Variants in GFRA1 observed in about 807,000 individuals in gnomAD.
GFRA1 encodes GDNF family receptor alpha 1.
In GFRA1, 16 loss-of-function variants were observed where a neutral mutation model predicts 51.6. That is an observed-to-expected ratio of 0.31 (90% CI 0.21 to 0.47). The LOEUF is 0.47. GFRA1 is among the 20% of genes least tolerant of loss of function. The pLI is 1.00. For missense variants in GFRA1, 530 were observed against 594.3 expected (o/e 0.89, Z 1.13); for synonymous variants, 270 against 241.3 (o/e 1.12, Z -1.10).
rs112154517 is a variant in GFRA1 at position 116,125,206 on chromosome 10, C to T, written c.770+15G>A. On this transcript the variant is annotated intron_variant, in intron 6 of 10. Transcript: ENST00000355422. The stretch of plus-strand genomic sequence containing the variant: ...CTGTCACCTCATTAATCACCAGCTG[C>T]CAGTGCCCACTTACCTGCAGATGTA... 1,657 of 1,603,544 alleles carry T rather than the reference C, an allele frequency of 1.0e-3. 17 individuals carry two copies. The African/African-American group carries it at 0.019, about 19-fold the overall frequency.
chr10:116,170,582 T>C (rs1269186335), intron 5 of GFRA1, among the ~76,000 whole-genome samples: 1 of 152,156 alleles, frequency 6.6e-6, no homozygotes, highest in Non-Finnish European at 1.5e-5. Context: ...AAATACAGGC[T>C]CCCTACCCCA....
chr10:116,212,758 G>C (rs917770992), intron 4 of GFRA1, among the ~76,000 whole-genome samples: 1 of 152,082 alleles, frequency 6.6e-6, no homozygotes, highest in Non-Finnish European at 1.5e-5. Flanking sequence ...TTTCACTGTG[G>C]GGTTATACTA....
At chr10:116,140,444 G>C (rs978851135) in intron 5 of GFRA1, among the ~76,000 whole-genome samples, 1 of 152,142 alleles carries the variant, frequency 6.6e-6, no homozygotes, top group Non-Finnish European at 1.5e-5. Context: ...TAGTATAAGT[G>C]GGACCATATT....
chr10:116,107,567 T>TG, intron 6 of GFRA1, among the ~76,000 whole-genome samples: 1 of 103,966 alleles, frequency 9.6e-6, no homozygotes, highest in South Asian at 3.0e-4. Flanking sequence ...TCATACTCCC[T>TG]TTTTTTTATA....
chr10:116,189,660 T>G (rs1401356990), intron 5 of GFRA1, among the ~76,000 whole-genome samples: 2 of 152,224 alleles, frequency 1.3e-5, no homozygotes, highest in Non-Finnish European at 2.9e-5. Flanking sequence ...AAATCTCTTT[T>G]AAGCAATGGA....
chr10:116,057,656 C>G lies in GFRA1; in HGVS notation c.*6742G>C, dbSNP rs1162264886. Reference sequence around the variant, plus strand: ...TCTGCAGTGAAAAGTGTTTCCCCCACTCCCTTGGGCGAGGGAAGGGAGAAG... The same window carrying G: ...TCTGCAGTGAAAAGTGTTTCCCCCAGTCCCTTGGGCGAGGGAAGGGAGAAG... On this transcript the variant is annotated 3_prime_UTR_variant, in exon 11 of 11. Coordinates refer to ENST00000355422, the MANE Select transcript of GFRA1 (RefSeq NM_005264.8). The G allele has an allele frequency of 1.3e-5, 2 of 151,988 alleles. No homozygotes were observed. Among genetic ancestry groups the G allele is most frequent in the Admixed American group, 1.3e-4 (2 of 15,256 alleles). The allele number at this position is 151,988 out of a possible 1,614,324, so 9.4% of individuals were successfully genotyped here.
intron 5 of GFRA1, among the ~76,000 whole-genome samples, chr10:116,194,066 TAAA>T (rs1051845471): frequency 3.7e-5 from 1 of 27,002 alleles, no homozygotes; most frequent in Non-Finnish European, 8.7e-5. Flanking sequence ...AAATAAAATT[TAAA>T]AAAAAAAAAA....
chr10:116,219,643 T>G (rs1965789824), intron 4 of GFRA1, among the ~76,000 whole-genome samples: 1 of 152,214 alleles, frequency 6.6e-6, no homozygotes, highest in South Asian at 2.1e-4. Flanking sequence ...ACAAGTAACA[T>G]TGCTTTAATT....
intron 6 of GFRA1, among the ~76,000 whole-genome samples, chr10:116,122,416 G>C (rs1478685100): frequency 1.3e-5 from 2 of 152,218 alleles, no homozygotes; most frequent in Admixed American, 1.3e-4. Flanking sequence ...CCTGCTATCA[G>C]GGATGTCACA....
chr10:116,134,304 A>G (rs1958228186), intron 5 of GFRA1, among the ~76,000 whole-genome samples: 1 of 152,180 alleles, frequency 6.6e-6, no homozygotes, highest in Non-Finnish European at 1.5e-5. Context: ...ATGTTAATAT[A>G]ACTACTGTTC....
chr10:116,096,973 C>A (rs1956621000), intron 6 of GFRA1, among the ~76,000 whole-genome samples: 1 of 152,102 alleles, frequency 6.6e-6, no homozygotes, highest in South Asian at 2.1e-4. Context: ...CCCCTCATGT[C>A]CCTTTCCCCA....
At chr10:116,257,359 T>TGCCCCTCTATCCTCCC (rs1469031639) in intron 4 of GFRA1, among the ~76,000 whole-genome samples, 3 of 124,676 alleles carry the variant, frequency 2.4e-5, no homozygotes, top group African/African-American at 9.2e-5. Flanking sequence ...CAGAGACTCC[T>TGCCCCTCTATCCTCCC]GCCCCTCTAT....
intron 9 of GFRA1, among the ~76,000 whole-genome samples, chr10:116,088,625 G>C (rs377652157): frequency 2.6e-5 from 4 of 152,132 alleles, no homozygotes; most frequent in African/African-American, 9.7e-5. Flanking sequence ...AAGGGGTAAA[G>C]AATGTGAGGG....
At position 116,061,772 on chromosome 10, in the gene GFRA1, A is replaced by G; in HGVS notation, c.*2626T>C. 5 of 387,300 alleles carry G rather than the reference A, an allele frequency of 1.3e-5. No homozygotes were observed. The highest frequency in any genetic ancestry group is 2.3e-5 in the Non-Finnish European group (5 of 219,190). 24.0% of individuals were successfully genotyped at this position (387,300 alleles called of 1,614,324 possible). ...ATCATTTTTGCTTTTAAGCACGCCA[A>G]GAAGAAGTGAGACAGGTAAATGATT... On this transcript the variant is annotated 3_prime_UTR_variant, in exon 11 of 11. Transcript: ENST00000355422.
At chr10:116,140,959 A>T (rs763247595) in intron 5 of GFRA1, among the ~76,000 whole-genome samples, 1 of 152,226 alleles carries the variant, frequency 6.6e-6, no homozygotes, top group Non-Finnish European at 1.5e-5. Context: ...CATTTGAAGA[A>T]CAAAGCTATG....
chr10:116,209,398 G>T (rs1965021551), intron 5 of GFRA1, among the ~76,000 whole-genome samples: 1 of 152,062 alleles, frequency 6.6e-6, no homozygotes, highest in South Asian at 2.1e-4. Flanking sequence ...GGACTCCACT[G>T]GGCAGAGTCC....
intron 5 of GFRA1, among the ~76,000 whole-genome samples, chr10:116,208,608 C>T (rs140582921): frequency 1.9e-3 from 292 of 152,274 alleles, no homozygotes; most frequent in African/African-American, 6.8e-3. Context: ...GTTGACAGCG[C>T]AGGGAGAATT....
At position 116,096,898 on chromosome 10, in the gene GFRA1, CACAT is replaced by C. The variant is rs771363782; in HGVS notation, c.771-138_771-135del. 5.4e-3 allele frequency: 3,543 copies of C among 661,766 alleles called. 19 individuals carry two copies. The highest frequency in any genetic ancestry group is 0.03 in the African/African-American group (1,664 of 55,814). The allele number at this position is 661,766 out of a possible 1,614,324, so 41.0% of individuals were successfully genotyped here. A position where few individuals can be genotyped will look rare whatever the true frequency, so the allele number is the denominator to read the frequency against. On this transcript the variant is annotated intron_variant, in intron 6 of 10. Transcript: ENST00000355422. ...ACGCACACGCACACACACACACACA[CACAT>C]ACACACAAAATACGTAGAAAACGTG...
intron 4 of GFRA1, among the ~76,000 whole-genome samples, chr10:116,251,963 CTTTTTTTTTTTTT>C (rs3032041): frequency 8.8e-5 from 7 of 79,802 alleles, no homozygotes; most frequent in Non-Finnish European, 1.2e-4. Context: ...CAATAGGCCT[CTTTTTTTTTTTTT>C]TTTTTTTTTT....
Sources: allele counts gnomAD v4.1 joint callset (sites outside exome capture counted in the v4.1 genomes callset), GRCh38; gene constraint gnomAD v4.1.1; transcripts MANE v1.5; gene names NCBI Gene and HGNC (gene_info 2026-07-23, HGNC 2026-07-21).